Variants in UCHL1 observed in about 807,000 individuals in gnomAD.
UCHL1 encodes the protein ubiquitin C-terminal hydrolase L1, also known as ubiquitin carboxyl-terminal hydrolase isozyme L1.
In UCHL1, 5 loss-of-function variants were observed where a neutral mutation model predicts 33.3. The ratio of observed to expected loss-of-function variants is 0.15; its 90% CI spans 0.08 to 0.32. The LOEUF (loss-of-function observed/expected upper bound fraction) is 0.32. Among genes scored for constraint, UCHL1 ranks in the 10% least tolerant of loss-of-function variants. The pLI, the probability that UCHL1 is intolerant of heterozygous loss-of-function variation, is 1.00. For synonymous variants in UCHL1, 132 were observed against 108.8 expected, an observed-to-expected ratio of 1.21 and a Z score of -1.33; for missense variants, 236 against 280.0, an observed-to-expected ratio of 0.84 and a Z score of 1.12.
At chr4:41,261,273 T>C (rs1363950801) in intron 4 of UCHL1, among the ~76,000 whole-genome samples, 1 of 152,338 alleles carries the variant, frequency 6.6e-6, no homozygotes, top group East Asian at 1.9e-4. Context: ...TAGAACATGA[T>C]TATAGCGTCA....
chr4:41,259,144 A>G (rs1163585767), intron 3 of UCHL1, among the ~76,000 whole-genome samples: 5 of 152,212 alleles, frequency 3.3e-5, no homozygotes, highest in Admixed American at 2.6e-4. Flanking sequence ...AATTCAACCT[A>G]TCAGATTTAT....
At position 41,260,748 on chromosome 4, in the gene UCHL1, A is replaced by C; in HGVS notation, c.276A>C (p.Thr92=). 1 of 1,614,196 alleles carries C rather than the reference A, an allele frequency of 6.2e-7. No homozygotes were observed. The highest frequency in any genetic ancestry group is 8.5e-7 in the Non-Finnish European group (1 of 1,180,042). ...AGACCATTGGGAATTCCTGTGGCAC[A>C]ATCGGACTTATTCACGCAGTGGCCA... is the stretch of plus-strand genomic sequence containing the variant. ...MKQTIGNSCG[T]IGLIHAVANN... is the part of the protein sequence containing the mutation. The change falls in exon 4 of 9, where the codon ACA becomes ACC. Residue 92 remains threonine, a synonymous_variant. Transcript: ENST00000284440.
At position 41,257,096 on chromosome 4, in the gene UCHL1, C is replaced by G; in HGVS notation, c.34-19C>G. ...CTGATCGGTTCGGTTTTGCCTTTTT[C>G]TTTGCATTTGCCTTTCAGATGCTGA... On this transcript the variant is annotated intron_variant, in intron 1 of 8. Coordinates refer to ENST00000284440, the MANE Select transcript of UCHL1 (RefSeq NM_004181.5). 6.2e-7 allele frequency: 1 copy of G among 1,613,800 alleles called. No homozygotes were observed. The highest frequency in any genetic ancestry group is 2.2e-5 in the East Asian group (1 of 44,868).
chr4:41,264,473 T>C (rs1192953671), intron 8 of UCHL1: 4 of 442,352 alleles, frequency 9.0e-6, no homozygotes, highest in African/African-American at 2.0e-5. Flanking sequence ...CCCATCAGAT[T>C]ACATCATAGC....
intron 8 of UCHL1, among the ~76,000 whole-genome samples, chr4:41,264,841 G>A (rs892871892): frequency 1.3e-5 from 2 of 152,176 alleles, no homozygotes; most frequent in African/African-American, 4.8e-5. Flanking sequence ...TTAGCTTGCT[G>A]TGCTGAAGAA....
At position 41,264,296 on chromosome 4, in the gene UCHL1, G is replaced by A. The variant is rs894709946; in HGVS notation, c.585+135G>A. 3.4e-5 allele frequency: 37 copies of A among 1,090,180 alleles called. No homozygotes were observed. The Middle Eastern group carries it at 5.9e-4, about 17-fold the overall frequency. The allele number at this position is 1,090,180 out of a possible 1,614,324, so 67.5% of individuals were successfully genotyped here. On this transcript the variant is annotated intron_variant, in intron 8 of 8. Transcript: ENST00000284440. ...TTAATAGCAGTCTTTAGGGCTGCAA[G>A]ATCCTCTTAGTAACTCTATCTACCT... is the stretch of plus-strand genomic sequence containing the variant.
chr4:41,263,902 C>T (rs1291743806), intron 7 of UCHL1, among the ~76,000 whole-genome samples: 1 of 152,206 alleles, frequency 6.6e-6, no homozygotes, highest in South Asian at 2.1e-4. Context: ...GCGATCTTGT[C>T]AATTGTAGAC....
At chr4:41,264,633 T>C (rs984920393) in intron 8 of UCHL1, among the ~76,000 whole-genome samples, 5 of 152,154 alleles carry the variant, frequency 3.3e-5, no homozygotes, top group Non-Finnish European at 7.4e-5. Context: ...AAGAACAAAA[T>C]AAGCAGATTT....
intron 7 of UCHL1, among the ~76,000 whole-genome samples, chr4:41,263,606 A>AT (rs1355375507): frequency 6.6e-6 from 1 of 152,252 alleles, no homozygotes; most frequent in Non-Finnish European, 1.5e-5. Context: ...TAACTAGTTT[A>AT]TGGCATCAAG....
chr4:41,263,118 A>G, intron 6 of UCHL1, 107 bp from the exon 7 acceptor site: 2 of 859,750 alleles, frequency 2.3e-6, no homozygotes, highest in South Asian at 1.4e-5. Context: ...AATATTAGCT[A>G]TAATTTCTAA....
At chr4:41,257,842 C>T (rs1460795268) in intron 3 of UCHL1, 105 bp downstream of exon 3, 17 of 1,442,580 alleles carry the variant, frequency 1.2e-5, no homozygotes, top group Non-Finnish European at 1.5e-5. Context: ...GTAGGTGATG[C>T]GGGGCGCGCC....
intron 4 of UCHL1, among the ~76,000 whole-genome samples, chr4:41,261,305 G>A (rs1042050787): frequency 1.3e-5 from 2 of 152,174 alleles, no homozygotes; most frequent in Admixed American, 1.3e-4. Flanking sequence ...GATGTTAACT[G>A]TACATTCTTA....
intron 3 of UCHL1, among the ~76,000 whole-genome samples, chr4:41,260,066 C>T (rs1241489174): frequency 1.3e-5 from 2 of 152,190 alleles, no homozygotes; most frequent in African/African-American, 2.4e-5. Flanking sequence ...CAGCCCAATA[C>T]CCTGGATCAG....
chr4:41,257,341 C>T (rs985312775), intron 2 of UCHL1: 2 of 950,578 alleles, frequency 2.1e-6, no homozygotes, highest in Non-Finnish European at 3.0e-6. Flanking sequence ...GGCTGCGCCC[C>T]GTGGCGAGCG....
At chr4:41,263,410 A>G in intron 7 of UCHL1, 119 bp downstream of exon 7, 1 of 1,027,338 alleles carries the variant, frequency 9.7e-7, no homozygotes, top group Non-Finnish European at 1.5e-6. Context: ...ATAAAGCCAC[A>G]ATAACAAAGT....
intron 6 of UCHL1, 120 bp downstream of exon 6, chr4:41,262,043 C>A: frequency 7.3e-7 from 1 of 1,373,206 alleles, no homozygotes; most frequent in Non-Finnish European, 1.0e-6. Context: ...CCAAATGACA[C>A]CAGAAAGTTC....
rs187956032 is a variant in UCHL1 at position 41,260,166 on chromosome 4, C to T, written c.175-481C>T. On this transcript the variant is annotated intron_variant, in intron 3 of 8. Transcript: ENST00000284440. ...GTTAAGGCCGTTTTTGTTTTTGAAGCGAAGTGTACTTAAGCCGAGTAGAAG... is the reference window on the plus strand; with the variant it reads ...GTTAAGGCCGTTTTTGTTTTTGAAGTGAAGTGTACTTAAGCCGAGTAGAAG... 4.1e-4 allele frequency among the ~76,000 whole-genome samples: 62 copies of T among 152,258 alleles called. 1 individual carries two copies. The highest frequency in any genetic ancestry group is 9.8e-4 in the Admixed American group (15 of 15,298).
At chr4:41,260,910 A>T in intron 4 of UCHL1, 113 bp downstream of exon 4, 1 of 1,464,674 alleles carries the variant, frequency 6.8e-7, no homozygotes, top group Non-Finnish European at 9.5e-7. Context: ...CCATTTTGTA[A>T]TGATGGTGTC....
intron 3 of UCHL1, among the ~76,000 whole-genome samples, chr4:41,260,162 G>A (rs539209560): frequency 6.6e-6 from 1 of 152,154 alleles, no homozygotes; most frequent in South Asian, 2.1e-4. Flanking sequence ...TTTTGTTTTT[G>A]AAGCGAAGTG....
Sources: gnomAD v4.1 joint callset for allele counts (sites outside exome capture counted in the v4.1 genomes callset) on GRCh38, gnomAD v4.1.1 for gene constraint, MANE v1.5 for transcripts, NCBI Gene and HGNC (gene_info 2026-07-23, HGNC 2026-07-21) for gene names.